Variants in OVCH1 observed in about 807,000 individuals in gnomAD.
OVCH1 encodes ovochymase-1.
OVCH1 carries 139 observed loss-of-function variants against 138.4 expected under a neutral mutation model. The ratio of observed to expected loss-of-function variants is 1.00; its 90% confidence interval spans 0.87 to 1.16. OVCH1 has a LOEUF of 1.16. Ranked by LOEUF, OVCH1 falls within the 50% of genes most tolerant of loss-of-function variation. The pLI is 0.00. For missense variants in OVCH1, 1,367 were observed against 1,357.9 expected, an observed-to-expected ratio of 1.01 and a Z score of -0.11; for synonymous variants, 453 against 467.8, an observed-to-expected ratio of 0.97 and a Z score of 0.41.
rs145721728 is a variant in OVCH1, at chr12:29,440,247, A to C, written c.3158-813T>G. 4.7e-3 allele frequency among the ~76,000 whole-genome samples: 711 copies of C among 152,294 alleles called. 6 individuals are homozygous for C. Among genetic ancestry groups the C allele is most frequent in the African/African-American group, 0.016 (676 of 41,562 alleles). On this transcript the variant is annotated intron_variant, in intron 25 of 27. Coordinates refer to ENST00000318184, the Ensembl canonical transcript of OVCH1. ...ACCTTATTTAGAGAAATTGAAATAG[A>C]GTCATAAAACTTTTGGGGAGAAGGA...
At chr12:29,469,578 G>A (rs764547819) in intron 16 of OVCH1, among the ~76,000 whole-genome samples, 1 of 152,044 alleles carries the variant, frequency 6.6e-6, no homozygotes, top group Non-Finnish European at 1.5e-5. Context: ...GCAGGGAAAT[G>A]ATCAAGAAGG....
At chr12:29,442,612 G>T (rs564522656) in intron 25 of OVCH1, among the ~76,000 whole-genome samples, 1 of 150,848 alleles carries the variant, frequency 6.6e-6, no homozygotes, top group Non-Finnish European at 1.5e-5. Context: ...CCTAAAACTT[G>T]AAGTATAATA....
At position 29,456,436 on chromosome 12, in the gene OVCH1, T is replaced by C. The variant is rs76389210; in HGVS notation, c.2281-1031A>G. 6.7e-3 allele frequency among the ~76,000 whole-genome samples: 1,020 copies of C among 152,348 alleles called. 12 individuals are homozygous for C. Among genetic ancestry groups the C allele is most frequent in the African/African-American group, 0.024 (988 of 41,572 alleles). ...AACACATTTCAAAAGGCAAAAATAC[T>C]ACCCACAAGCACTAAGAAGCTCTCG... On this transcript the variant is annotated intron_variant, in intron 19 of 27. Coordinates refer to ENST00000318184, the Ensembl canonical transcript of OVCH1.
intron 23 of OVCH1, 130 bp from the exon 24 acceptor site, chr12:29,444,410 G>A: frequency 9.6e-7 from 1 of 1,043,404 alleles, no homozygotes; most frequent in Non-Finnish European, 1.3e-6. Context: ...TTATTAGGAG[G>A]TGGTTGGTTT....
intron 20 of OVCH1, 72 bp downstream of exon 20, chr12:29,455,177 C>A: frequency 6.7e-7 from 1 of 1,496,726 alleles, no homozygotes; most frequent in South Asian, 1.3e-5. Flanking sequence ...CTAATTTATA[C>A]CACACTCACT....
the OVCH1 span, among the ~76,000 whole-genome samples, chr12:29,405,744 A>T: frequency 1.3e-5 from 2 of 152,242 alleles, no homozygotes; most frequent in Non-Finnish European, 2.9e-5. Flanking sequence ...GAACCAAATC[A>T]GTTTTTGATG....
At chr12:29,484,361 C>T (rs4400846) in intron 8 of OVCH1, among the ~76,000 whole-genome samples, 4,604 of 152,264 alleles carry the variant, frequency 0.03, 247 homozygotes, top group African/African-American at 0.1. Flanking sequence ...AGTATTTGAA[C>T]ACATCCGTTC....
At chr12:29,485,270 T>G in intron 8 of OVCH1, among the ~76,000 whole-genome samples, 1 of 128,292 alleles carries the variant, frequency 7.8e-6, no homozygotes. Flanking sequence ...GGAGGCAGAG[T>G]GCATGCCACT....
At chr12:29,419,451 CT>C (rs2135883169) in intron 3 of OVCH1, among the ~76,000 whole-genome samples, 1 of 35,418 alleles carries the variant, frequency 2.8e-5, no homozygotes, top group African/African-American at 9.9e-5. Flanking sequence ...CCATGCCCGG[CT>C]AATTTTTTTT....
At chr12:29,450,493 G>T (rs193056801) in intron 22 of OVCH1, among the ~76,000 whole-genome samples, 130 of 152,156 alleles carry the variant, frequency 8.5e-4, no homozygotes, top group African/African-American at 3.0e-3. Flanking sequence ...TTAGAATGGC[G>T]ATTATTAAAA....
At chr12:29,408,555 A>G (rs1158597288), downstream of OVCH1, among the ~76,000 whole-genome samples, 13 of 123,102 alleles carry the variant, frequency 1.1e-4, no homozygotes, top group African/African-American at 2.5e-4. Context: ...TTCTGCATCT[A>G]TTGAGATAAT....
chr12:29,440,556 G>C lies in OVCH1; in HGVS notation c.3158-1122C>G, dbSNP rs999084579. Reference sequence around the variant, plus strand: ...TTGGTTTCTTAGTATTGATTAACATGCCTTCTCTTATTTAATTCTCAAAAC... The same window carrying C: ...TTGGTTTCTTAGTATTGATTAACATCCCTTCTCTTATTTAATTCTCAAAAC... On this transcript the variant is annotated intron_variant, in intron 25 of 27. Transcript: ENST00000318184. 4 of 327,716 alleles carry C rather than the reference G, an allele frequency of 1.2e-5. No homozygotes were observed. The Admixed American group carries it at 1.7e-4, about 14-fold the overall frequency. The allele number at this position is 327,716 out of a possible 1,614,324, so 20.3% of individuals were successfully genotyped here. A position where few individuals can be genotyped will look rare whatever the true frequency, so the allele number is the denominator to read the frequency against.
chr12:29,476,243 A>G (rs560769241), exon 13 of OVCH1: 1 of 1,613,694 alleles, frequency 6.2e-7, no homozygotes, highest in South Asian at 1.1e-5. Context: ...CGTAAATCAC[A>G]ACAGCATCAT....
chr12:29,409,287 T>C (rs956262452), downstream of OVCH1, among the ~76,000 whole-genome samples: 59 of 152,162 alleles, frequency 3.9e-4, 1 homozygote, highest in Non-Finnish European at 2.9e-5. Context: ...TTTTGAAGGG[T>C]TTTTTGTGTT....
At chr12:29,482,176 G>T (rs150174225) in intron 8 of OVCH1, among the ~76,000 whole-genome samples, 2 of 152,280 alleles carry the variant, frequency 1.3e-5, no homozygotes, top group Non-Finnish European at 2.9e-5. Flanking sequence ...AAGTCCTAAA[G>T]AATTTGGCCA....
intron 3 of OVCH1, among the ~76,000 whole-genome samples, chr12:29,414,687 C>A (rs1239116910): frequency 2.0e-5 from 3 of 152,078 alleles, no homozygotes; most frequent in African/African-American, 7.2e-5. Context: ...TACCCTAAAT[C>A]TAGCAATTCT....
At chr12:29,477,172 T>C (rs942591047) in exon 12 of OVCH1, 9 of 1,613,620 alleles carry the variant, frequency 5.6e-6, no homozygotes, top group Middle Eastern at 1.6e-4. Flanking sequence ...CAAATCAGGA[T>C]ACTTGGCAGA....
downstream of OVCH1, among the ~76,000 whole-genome samples, chr12:29,410,068 T>G (rs989796056): frequency 1.2e-4 from 18 of 152,130 alleles, no homozygotes; most frequent in Non-Finnish European, 2.5e-4. Flanking sequence ...TGTAATGGCC[T>G]TTTTTGTCTC....
At chr12:29,440,221 A>T (rs1352573915) in intron 25 of OVCH1, among the ~76,000 whole-genome samples, 1 of 152,192 alleles carries the variant, frequency 6.6e-6, no homozygotes, top group Non-Finnish European at 1.5e-5. Flanking sequence ...AGAGCTTGTA[A>T]ACCTTATTTA....
Sources: gnomAD v4.1 joint callset for allele counts (sites outside exome capture counted in the v4.1 genomes callset) on GRCh38, gnomAD v4.1.1 for gene constraint, MANE v1.5 for transcripts, NCBI Gene and HGNC (gene_info 2026-07-23, HGNC 2026-07-21) for gene names.